Variants in CSMD3 observed in about 807,000 individuals in gnomAD.
CSMD3 encodes CUB and sushi domain-containing protein 3.
A neutral mutation model predicts 435.2 loss-of-function variants in CSMD3; 177 were observed. The ratio of observed to expected loss-of-function variants is 0.41; its 90% CI spans 0.36 to 0.46. The LOEUF (loss-of-function observed/expected upper bound fraction) is 0.46, where lower values mean the gene tolerates loss of function less well. CSMD3 is among the 20% of genes least tolerant of loss of function. CSMD3 has a pLI of 0.34. For synonymous variants in CSMD3, 1,656 were observed against 1,520.5 expected, an observed-to-expected ratio of 1.09 and a Z score of -2.07; for missense variants, 4,265 against 4,504.6, an observed-to-expected ratio of 0.95 and a Z score of 1.52.
At chr8:113,016,075 C>CTT (rs762650744) in intron 6 of CSMD3, among the ~76,000 whole-genome samples, 1 of 147,806 alleles carries the variant, frequency 6.8e-6, no homozygotes, top group East Asian at 2.0e-4. Flanking sequence ...AACTAAATAA[C>CTT]TTTTTTTTTT....
intron 10 of CSMD3, among the ~76,000 whole-genome samples, chr8:112,889,609 T>G (rs905564314): frequency 5.3e-5 from 8 of 151,836 alleles, no homozygotes; most frequent in Non-Finnish European, 1.2e-4. Flanking sequence ...TGATTTCATG[T>G]CTGCTTGGGA....
At chr8:112,518,625 T>A (rs1375153264) in intron 27 of CSMD3, among the ~76,000 whole-genome samples, 19 of 130,864 alleles carry the variant, frequency 1.5e-4, no homozygotes, top group African/African-American at 3.7e-4. Context: ...TGTGTGTGTG[T>A]GTGTGAGAGA....
chr8:112,940,356 A>G (rs2083415025), intron 9 of CSMD3, among the ~76,000 whole-genome samples: 1 of 151,726 alleles, frequency 6.6e-6, no homozygotes, highest in Non-Finnish European at 1.5e-5. Context: ...AGAGATTTCA[A>G]TATCTCTTTT....
intron 11 of CSMD3, among the ~76,000 whole-genome samples, chr8:112,854,036 A>C (rs1021223301): frequency 1.3e-5 from 2 of 152,148 alleles, no homozygotes; most frequent in African/African-American, 4.8e-5. Context: ...TGGTAATACC[A>C]CAGTTTTTAC....
chr8:112,722,532 G>A (rs1322368235), intron 13 of CSMD3, among the ~76,000 whole-genome samples: 2 of 152,074 alleles, frequency 1.3e-5, no homozygotes, highest in Non-Finnish European at 2.9e-5. Context: ...AGCAAATAAA[G>A]ATGTGTTTCT....
chr8:113,012,298 T>A (rs2086283738), intron 6 of CSMD3, among the ~76,000 whole-genome samples: 1 of 151,846 alleles, frequency 6.6e-6, no homozygotes, highest in African/African-American at 2.4e-5. Flanking sequence ...CCTACTATAC[T>A]ATGAAAATAT....
intron 40 of CSMD3, among the ~76,000 whole-genome samples, chr8:112,348,174 C>T (rs948929233): frequency 1.3e-5 from 2 of 152,192 alleles, no homozygotes; most frequent in Non-Finnish European, 2.9e-5. Flanking sequence ...TGTCTATTTC[C>T]TCAGTATCTC....
intron 12 of CSMD3, among the ~76,000 whole-genome samples, chr8:112,807,236 C>T (rs1164581143): frequency 6.6e-6 from 1 of 152,136 alleles, no homozygotes; most frequent in Non-Finnish European, 1.5e-5. Flanking sequence ...GAAATAAATA[C>T]CTTGTCTGGG....
At chr8:113,067,832 T>C (rs1240632046) in intron 5 of CSMD3, among the ~76,000 whole-genome samples, 3 of 152,078 alleles carry the variant, frequency 2.0e-5, no homozygotes, top group Non-Finnish European at 4.4e-5. Flanking sequence ...TGAGTTAATA[T>C]CGCTCTTTAA....
intron 5 of CSMD3, among the ~76,000 whole-genome samples, chr8:113,029,477 A>G (rs1036074194): frequency 6.6e-6 from 1 of 151,704 alleles, no homozygotes; most frequent in Admixed American, 6.6e-5. Flanking sequence ...TAACATATGC[A>G]AGTCAATAAA....
chr8:112,402,987 T>C (rs534255160), intron 35 of CSMD3, among the ~76,000 whole-genome samples: 1 of 152,320 alleles, frequency 6.6e-6, no homozygotes, highest in Non-Finnish European at 1.5e-5. Flanking sequence ...GTTTTGTCTT[T>C]ATGAGAGTGC....
At chr8:113,298,874 G>A (rs1486173948) in intron 2 of CSMD3, among the ~76,000 whole-genome samples, 1 of 152,100 alleles carries the variant, frequency 6.6e-6, no homozygotes, top group Admixed American at 6.6e-5. Flanking sequence ...GCAGCGATCT[G>A]CACACAATGC....
chr8:112,406,043 G>T (rs944418068), intron 35 of CSMD3, among the ~76,000 whole-genome samples: 2 of 151,610 alleles, frequency 1.3e-5, no homozygotes, highest in Non-Finnish European at 2.9e-5. Context: ...TTGGATTGTC[G>T]CAACACAATG....
intron 28 of CSMD3, among the ~76,000 whole-genome samples, chr8:112,512,106 G>T (rs1414325935): frequency 6.6e-6 from 1 of 152,008 alleles, no homozygotes; most frequent in Non-Finnish European, 1.5e-5. Flanking sequence ...CATCCATGAG[G>T]GTTAGAATCA....
chr8:112,408,928 A>T lies in CSMD3; in HGVS notation c.5500T>A (p.Ser1834Thr). ...TTCTATTAAAGGATACCTGAATGGGATCCTGAGAGGGAAGATAACAGAGAA... is the reference window on the plus strand; with the variant it reads ...TTCTATTAAAGGATACCTGAATGGGTTCCTGAGAGGGAAGATAACAGAGAA... ...QSSLLSSLSG[S>T]HSGESLPLSS... is the part of the protein sequence containing the mutation. Residue 1834 changes from serine to threonine, a missense_variant, in exon 33 of 71, where the codon TCC (serine) becomes ACC (threonine). Coordinates refer to ENST00000297405, the MANE Select transcript of CSMD3 (RefSeq NM_198123.2). 6.2e-7 allele frequency: 1 copy of T among 1,613,532 alleles called. No individual in the cohort carries two copies. Among genetic ancestry groups the T allele is most frequent in the Non-Finnish European group, 8.5e-7 (1 of 1,179,606 alleles).
At chr8:112,248,310 G>A (rs1459112214) in intron 63 of CSMD3, among the ~76,000 whole-genome samples, 2 of 152,070 alleles carry the variant, frequency 1.3e-5, no homozygotes, top group African/African-American at 2.4e-5. Context: ...ATTAGTTTCC[G>A]AAGGGTCTCA....
At chr8:112,561,760 T>G (rs1828644024) in intron 24 of CSMD3, among the ~76,000 whole-genome samples, 1 of 151,712 alleles carries the variant, frequency 6.6e-6, no homozygotes, top group South Asian at 2.1e-4. Flanking sequence ...CAATGAGCAA[T>G]ATATAGTGTT....
intron 27 of CSMD3, among the ~76,000 whole-genome samples, chr8:112,520,190 G>A (rs566734492): frequency 6.6e-6 from 1 of 152,114 alleles, no homozygotes; most frequent in African/African-American, 2.4e-5. Context: ...TCAGAATAGA[G>A]ACCAATAAAA....
chr8:112,910,095 A>G (rs1445939021), intron 10 of CSMD3, among the ~76,000 whole-genome samples: 1 of 151,866 alleles, frequency 6.6e-6, no homozygotes, highest in South Asian at 2.1e-4. Context: ...GTGCAGTTAA[A>G]TTGACCAATT....
Sources: allele counts gnomAD v4.1 joint callset (sites outside exome capture counted in the v4.1 genomes callset), GRCh38; gene constraint gnomAD v4.1.1; transcripts MANE v1.5; gene names NCBI Gene and HGNC (gene_info 2026-07-23, HGNC 2026-07-21).